Variants in MAN1C1 observed in about 807,000 individuals in gnomAD.
MAN1C1 encodes the protein mannosidase alpha class 1C member 1, also known as mannosyl-oligosaccharide 1,2-alpha-mannosidase IC.
In MAN1C1, 49 loss-of-function variants were observed where a neutral mutation model predicts 71.5. The ratio of observed to expected loss-of-function variants is 0.69; its 90% CI spans 0.54 to 0.87. The LOEUF (loss-of-function observed/expected upper bound fraction) is 0.87. Among genes scored for constraint, MAN1C1 ranks in the 40% least tolerant of loss-of-function variants. The probability of loss-of-function intolerance (pLI) is 0.00; values close to 1 mark genes in which losing one functional copy is unlikely to be tolerated. For missense variants in MAN1C1, 743 were observed against 835.0 expected (o/e 0.89, Z 1.36); for synonymous variants, 352 against 343.7 (o/e 1.02, Z -0.27).
At chr1:25,668,802 C>G (rs139190847) in intron 1 of MAN1C1, among the ~76,000 whole-genome samples, 3,597 of 152,218 alleles carry the variant, frequency 0.024, 146 homozygotes, top group African/African-American at 0.082. Flanking sequence ...TCGTGATCCA[C>G]CCGCCTCGGC....
At chr1:25,671,671 A>G (rs1452368840) in intron 1 of MAN1C1, among the ~76,000 whole-genome samples, 3 of 152,144 alleles carry the variant, frequency 2.0e-5, no homozygotes, top group African/African-American at 7.2e-5. Context: ...TCATTTGGTT[A>G]TTCATTGGCA....
chr1:25,636,366 T>TC (rs1246870391), intron 1 of MAN1C1, among the ~76,000 whole-genome samples: 1 of 152,070 alleles, frequency 6.6e-6, no homozygotes, highest in African/African-American at 2.4e-5. Flanking sequence ...AGATAGACAC[T>TC]CCCAGAGCGG....
At position 25,762,560 on chromosome 1, in the gene MAN1C1, A is replaced by G. The variant is rs544916620; in HGVS notation, c.1048-1314A>G. 5.3e-5 allele frequency among the ~76,000 whole-genome samples: 8 copies of G among 152,004 alleles called. No individual in the cohort carries two copies. The East Asian group carries it at 1.4e-3, about 26-fold the overall frequency. Reference sequence around the variant, plus strand: ...TTGTGTCTCCACCTCCAGAGTAGCTAAGATTACAGGCCTGTGCCACCACGC... The same window carrying G: ...TTGTGTCTCCACCTCCAGAGTAGCTGAGATTACAGGCCTGTGCCACCACGC... On this transcript the variant is annotated intron_variant, in intron 6 of 11. Transcript: ENST00000374332.
intron 2 of MAN1C1, among the ~76,000 whole-genome samples, chr1:25,745,650 C>G (rs889980841): frequency 1.3e-5 from 2 of 152,178 alleles, no homozygotes; most frequent in Admixed American, 6.5e-5. Flanking sequence ...CCATAGTTCA[C>G]CCTCTATTAG....
rs147586074 is a variant in MAN1C1 at position 25,735,516 on chromosome 1, A to G, written c.638-11152A>G. Among the ~76,000 whole-genome samples the G allele has an allele frequency of 8.7e-3, 1,332 of 152,262 alleles. 15 individuals carry two copies. The highest frequency in any genetic ancestry group is 0.029 in the African/African-American group (1,207 of 41,538). ...TATATGTGTGTATGTATGTGTGTGT[A>G]TATATATGTGTATGTATATGTGTAT... On this transcript the variant is annotated intron_variant, in intron 2 of 11. Coordinates refer to ENST00000374332, the MANE Select transcript of MAN1C1 (RefSeq NM_020379.4). The surrounding 1 kb of genome is among the most constrained non-coding windows in gnomAD (Gnocchi z 4.6).
chr1:25,766,874 TC>T (rs2047434277), intron 7 of MAN1C1, among the ~76,000 whole-genome samples: 1 of 152,040 alleles, frequency 6.6e-6, no homozygotes, highest in Non-Finnish European at 1.5e-5. Flanking sequence ...CCTGGCAGCT[TC>T]CCTGGCATCA....
intron 1 of MAN1C1, among the ~76,000 whole-genome samples, chr1:25,628,646 C>A (rs1222096719): frequency 6.6e-6 from 1 of 152,088 alleles, no homozygotes; most frequent in African/African-American, 2.4e-5. Context: ...TGCAAGTGGT[C>A]TTTGGTTACA....
intron 1 of MAN1C1, among the ~76,000 whole-genome samples, chr1:25,643,054 G>T (rs1172493487): frequency 6.6e-6 from 1 of 152,090 alleles, no homozygotes; most frequent in Non-Finnish European, 1.5e-5. Context: ...CAGAGTCTAA[G>T]ATGTTTAATT....
intron 2 of MAN1C1, among the ~76,000 whole-genome samples, chr1:25,693,408 G>A (rs1230656485): frequency 6.6e-6 from 1 of 152,088 alleles, no homozygotes; most frequent in Non-Finnish European, 1.5e-5. Flanking sequence ...GGTGGGCAGA[G>A]CCCCTGAGGT....
intron 1 of MAN1C1, chr1:25,654,182 T>G (rs2045731032): frequency 6.6e-6 from 1 of 152,322 alleles, no homozygotes; most frequent in African/African-American, 2.4e-5. Flanking sequence ...CTTGCTGATG[T>G]GCTGTGTAAT....
chr1:25,723,661 C>T (rs752526083), intron 2 of MAN1C1, among the ~76,000 whole-genome samples: 1 of 152,228 alleles, frequency 6.6e-6, no homozygotes, highest in Non-Finnish European at 1.5e-5. Flanking sequence ...TCTTTAACCA[C>T]GATCTCTGGC....
intron 2 of MAN1C1, among the ~76,000 whole-genome samples, chr1:25,722,456 T>C (rs1335539416): frequency 6.6e-6 from 1 of 152,228 alleles, no homozygotes; most frequent in Non-Finnish European, 1.5e-5. Context: ...TATCTGTCTC[T>C]TCATTTTTGG....
Position 25,777,953 on chromosome 1 carries a change from C to G in MAN1C1, c.1258-152C>G, listed in dbSNP as rs532293116. On this transcript the variant is annotated intron_variant, in intron 8 of 11. Coordinates refer to ENST00000374332, the MANE Select transcript of MAN1C1 (RefSeq NM_020379.4). ...GTGCCCTGGCAGGCATCTTGACCAG[C>G]AGAGATCAATGGGCCTCCTTTGCCT... 3.3e-5 allele frequency: 20 copies of G among 605,244 alleles called. No homozygotes were observed. The East Asian group carries it at 5.9e-4, about 18-fold the overall frequency. The allele number at this position is 605,244 out of a possible 1,614,324, so 37.5% of individuals were successfully genotyped here.
intron 1 of MAN1C1, among the ~76,000 whole-genome samples, chr1:25,642,616 C>T (rs932733247): frequency 1.3e-5 from 2 of 152,234 alleles, no homozygotes; most frequent in Non-Finnish European, 2.9e-5. Context: ...AACTTGCAAT[C>T]GTTCTTCAAT....
chr1:25,660,289 T>C (rs564730814), intron 1 of MAN1C1, among the ~76,000 whole-genome samples: 9 of 151,728 alleles, frequency 5.9e-5, no homozygotes, highest in Non-Finnish European at 1.3e-4. Flanking sequence ...TAATCTCAGC[T>C]ACTCGTGAGG....
intron 2 of MAN1C1, among the ~76,000 whole-genome samples, chr1:25,717,108 C>T (rs755573368): frequency 2.6e-5 from 4 of 152,120 alleles, no homozygotes; most frequent in Non-Finnish European, 5.9e-5. Flanking sequence ...AAAATAATGC[C>T]GCTTTGAACA....
At chr1:25,650,159 C>A (rs1295131970) in intron 1 of MAN1C1, among the ~76,000 whole-genome samples, 1 of 152,212 alleles carries the variant, frequency 6.6e-6, no homozygotes, top group Non-Finnish European at 1.5e-5. Context: ...GTGTGGGTCT[C>A]CACTTACTGT....
chr1:25,664,095 A>G (rs1400281249), intron 1 of MAN1C1, among the ~76,000 whole-genome samples: 1 of 151,982 alleles, frequency 6.6e-6, no homozygotes, highest in Non-Finnish European at 1.5e-5. Flanking sequence ...CCCCATAGAG[A>G]CTAGGTTATT....
chr1:25,744,601 C>T (rs894914949), intron 2 of MAN1C1, among the ~76,000 whole-genome samples: 1 of 152,168 alleles, frequency 6.6e-6, no homozygotes, highest in Non-Finnish European at 1.5e-5. Flanking sequence ...TCTTTGACCT[C>T]CAGCCTCATC....
Sources: gnomAD v4.1 joint callset for allele counts (sites outside exome capture counted in the v4.1 genomes callset) on GRCh38, gnomAD v4.1.1 for gene constraint, Gnocchi (gnomAD v3.1) non-coding constraint, MANE v1.5 for transcripts, NCBI Gene and HGNC (gene_info 2026-07-23, HGNC 2026-07-21) for gene names.